Variants in KIF6 observed in about 807,000 individuals in gnomAD.
KIF6 encodes the protein kinesin-like protein KIF6.
KIF6 carries 106 observed loss-of-function variants against 112.7 expected under a neutral mutation model. That is an observed-to-expected ratio of 0.94 (90% CI 0.80 to 1.11). The LOEUF (loss-of-function observed/expected upper bound fraction) is 1.11, where lower values mean the gene tolerates loss of function less well. Ranked by LOEUF, KIF6 falls within the 50% of genes least tolerant of loss-of-function variation. The probability of loss-of-function intolerance (pLI) is 0.00; values close to 1 mark genes in which losing one functional copy is unlikely to be tolerated. For missense variants in KIF6, 929 were observed against 964.0 expected (o/e 0.96, Z 0.48); for synonymous variants, 339 against 339.9 (o/e 1.00, Z 0.03).
chr6:39,461,172 C>G (rs1562237595), intron 13 of KIF6, among the ~76,000 whole-genome samples: 1 of 152,148 alleles, frequency 6.6e-6, no homozygotes, highest in African/African-American at 2.4e-5. Flanking sequence ...TAATGTCCAA[C>G]TTAATAACAA....
intron 3 of KIF6, among the ~76,000 whole-genome samples, chr6:39,656,435 T>A (rs1289594350): frequency 2.6e-5 from 4 of 152,224 alleles, no homozygotes; most frequent in African/African-American, 9.6e-5. Context: ...TCTATACACA[T>A]ATAACTGGGC....
chr6:39,473,660 CA>C (rs1394009014), intron 13 of KIF6, among the ~76,000 whole-genome samples: 1 of 152,136 alleles, frequency 6.6e-6, no homozygotes, highest in Non-Finnish European at 1.5e-5. Context: ...GTTTTGGAGG[CA>C]GGGGGCTGTT....
chr6:39,547,000 T>C (rs187250756), intron 10 of KIF6, among the ~76,000 whole-genome samples: 77 of 152,332 alleles, frequency 5.1e-4, no homozygotes, highest in Admixed American at 1.8e-3. Context: ...TTCACTGCCA[T>C]GGACATGGTT....
chr6:39,361,146 T>G (rs1180293425), intron 17 of KIF6, among the ~76,000 whole-genome samples: 1 of 152,172 alleles, frequency 6.6e-6, no homozygotes, highest in African/African-American at 2.4e-5. Context: ...AATCAGAAAT[T>G]GTCCAATAGG....
At chr6:39,720,041 AT>A (rs1790114396) in intron 2 of KIF6, among the ~76,000 whole-genome samples, 1 of 152,212 alleles carries the variant, frequency 6.6e-6, no homozygotes, top group Admixed American at 6.5e-5. Context: ...GCTGAAATTA[AT>A]TTTAATAATA....
chr6:39,454,949 G>A (rs1161310533), intron 13 of KIF6, among the ~76,000 whole-genome samples: 1 of 151,598 alleles, frequency 6.6e-6, no homozygotes, highest in Non-Finnish European at 1.5e-5. Context: ...GGGGAGGGGC[G>A]CCCGCCATTG....
chr6:39,645,084 T>C (rs1163925370), intron 3 of KIF6, among the ~76,000 whole-genome samples: 1 of 152,196 alleles, frequency 6.6e-6, no homozygotes, highest in Non-Finnish European at 1.5e-5. Context: ...ACAGTCCTAA[T>C]ATGTAAATAA....
chr6:39,442,787 C>T (rs1193514501), intron 13 of KIF6, among the ~76,000 whole-genome samples: 4 of 152,100 alleles, frequency 2.6e-5, no homozygotes, highest in Non-Finnish European at 4.4e-5. Context: ...GCTCCCTGAA[C>T]GGAAAGGCAG....
intron 16 of KIF6, 44 bp from the exon 17 acceptor site, chr6:39,362,562 A>G: frequency 7.3e-7 from 1 of 1,377,330 alleles, no homozygotes; most frequent in Non-Finnish European, 1.0e-6. Context: ...AAGAAGGGTA[A>G]AAGGAAGAGT....
chr6:39,572,351 C>T (rs1471831508), intron 10 of KIF6, among the ~76,000 whole-genome samples: 4 of 152,050 alleles, frequency 2.6e-5, no homozygotes, highest in Non-Finnish European at 4.4e-5. Context: ...AACTGTAACT[C>T]CTTGGAATTA....
At chr6:39,346,330 G>C in intron 20 of KIF6, 146 bp downstream of exon 20, 2 of 701,414 alleles carry the variant, frequency 2.9e-6, no homozygotes, top group African/African-American at 1.7e-5. Context: ...GGGCCTTTGG[G>C]TGGTGATTAA....
In KIF6 at chr6:39,466,556, G is replaced by A. The variant is rs139274372; in HGVS notation, c.1646-35395C>T. Among the ~76,000 whole-genome samples, 741 of 152,240 alleles carry A rather than the reference G, an allele frequency of 4.9e-3. 1 individual carries two copies. Among genetic ancestry groups the A allele is most frequent in the Non-Finnish European group, 7.4e-3 (505 of 68,014 alleles). On this transcript the variant is annotated intron_variant, in intron 13 of 22. Coordinates refer to ENST00000287152, the MANE Select transcript of KIF6 (RefSeq NM_145027.6). Reference sequence around the variant, plus strand: ...CAGTAAGAAGAGTAAGAGTCCATTGGCATTTGAGCCATGACTTGCTCCTTC... The same window carrying A: ...CAGTAAGAAGAGTAAGAGTCCATTGACATTTGAGCCATGACTTGCTCCTTC...
At chr6:39,353,489 TATGTTTTGCAA>T (rs1764416047) in intron 19 of KIF6, among the ~76,000 whole-genome samples, 1 of 152,252 alleles carries the variant, frequency 6.6e-6, no homozygotes, top group African/African-American at 2.4e-5. Context: ...TTATCAGATA[TATGTTTTGCAA>T]ATATTTTCTC....
chr6:39,353,895 TA>T, intron 19 of KIF6: 2 of 561,740 alleles, frequency 3.6e-6, no homozygotes, highest in Non-Finnish European at 6.4e-6. Context: ...TTCCTACTGC[TA>T]AGTGGAGCTA....
At chr6:39,415,013 C>T (rs953249802) in intron 15 of KIF6, among the ~76,000 whole-genome samples, 1 of 151,498 alleles carries the variant, frequency 6.6e-6, no homozygotes, top group Non-Finnish European at 1.5e-5. Context: ...ATGGTGAAAC[C>T]CTGTCTCTAC....
At chr6:39,564,816 AAAG>A (rs1282162064) in intron 10 of KIF6, among the ~76,000 whole-genome samples, 1 of 152,250 alleles carries the variant, frequency 6.6e-6, no homozygotes, top group African/African-American at 2.4e-5. Flanking sequence ...GTAAAATTTA[AAAG>A]AAGTAGAATT....
At chr6:39,663,330 AT>A (rs1786273460) in intron 3 of KIF6, among the ~76,000 whole-genome samples, 1 of 152,236 alleles carries the variant, frequency 6.6e-6, no homozygotes, top group Non-Finnish European at 1.5e-5. Context: ...GTATAGGACT[AT>A]AAGGATTTGT....
At chr6:39,425,841 A>G (rs991189597) in intron 14 of KIF6, among the ~76,000 whole-genome samples, 1 of 151,252 alleles carries the variant, frequency 6.6e-6, no homozygotes, top group African/African-American at 2.4e-5. Context: ...ATGAAAGTCT[A>G]ATGGGAGCCA....
chr6:39,624,862 A>G (rs940733617), intron 5 of KIF6, among the ~76,000 whole-genome samples: 2 of 127,964 alleles, frequency 1.6e-5, no homozygotes, highest in Non-Finnish European at 3.1e-5. Flanking sequence ...GAAAGCTAAC[A>G]TTTCTATTAT....
Sources: gnomAD v4.1 joint callset for allele counts (sites outside exome capture counted in the v4.1 genomes callset) on GRCh38, gnomAD v4.1.1 for gene constraint, MANE v1.5 for transcripts, NCBI Gene and HGNC (gene_info 2026-07-23, HGNC 2026-07-21) for gene names.